OR52N2: variants seen among roughly 807,000 people sequenced by gnomAD.
OR52N2 encodes the protein olfactory receptor 52N2.
For missense variants in OR52N2, 326 were observed against 196.6 expected, an observed-to-expected ratio of 1.66 and a Z score of -3.94; for synonymous variants, 129 against 72.0, an observed-to-expected ratio of 1.79 and a Z score of -4.01.
At chr11:5,811,362 T>C (rs1468365660) in intron 1 of OR52N2, among the ~76,000 whole-genome samples, 1 of 152,024 alleles carries the variant, frequency 6.6e-6, no homozygotes, top group Non-Finnish European at 1.5e-5. Flanking sequence ...ATTTAAAAAA[T>C]AGACAGCTAC....
intron 1 of OR52N2, among the ~76,000 whole-genome samples, chr11:5,809,885 C>T (rs7122862): frequency 0.05 from 7,626 of 152,176 alleles, 255 homozygotes; most frequent in East Asian, 0.088. Flanking sequence ...GAGGCTATCA[C>T]AATCTGAATT....
At chr11:5,817,846 T>C (rs1054304577) in intron 1 of OR52N2, among the ~76,000 whole-genome samples, 5 of 152,154 alleles carry the variant, frequency 3.3e-5, no homozygotes, top group Admixed American at 2.0e-4. Flanking sequence ...TTATATTTGA[T>C]AGAAAAATTT....
chr11:5,815,243 T>G (rs1846395193), intron 1 of OR52N2, among the ~76,000 whole-genome samples: 1 of 152,040 alleles, frequency 6.6e-6, no homozygotes, highest in Non-Finnish European at 1.5e-5. Context: ...TTTATGAAAT[T>G]TGTTTTTAAA....
At chr11:5,817,935 A>G (rs1362897721) in intron 1 of OR52N2, among the ~76,000 whole-genome samples, 18 of 152,194 alleles carry the variant, frequency 1.2e-4, no homozygotes, top group Admixed American at 1.2e-3. Flanking sequence ...TCTAGCTATT[A>G]AACTTTTTAA....
At chr11:5,812,886 A>G (rs1564972069) in intron 1 of OR52N2, among the ~76,000 whole-genome samples, 1 of 152,166 alleles carries the variant, frequency 6.6e-6, no homozygotes, top group East Asian at 1.9e-4. Flanking sequence ...TTTCTATCAC[A>G]ATTATATAAA....
chr11:5,820,127 A>G (rs968729874), intron 1 of OR52N2, among the ~76,000 whole-genome samples, 155 bp from the exon 2 acceptor site: 1 of 152,092 alleles, frequency 6.6e-6, no homozygotes, highest in South Asian at 2.1e-4. Context: ...CTGCTTAGTG[A>G]CTTTGGACAC....
In OR52N2 at chr11:5,820,524, C is replaced by A. The variant is rs764838307; in HGVS notation, c.189C>A (p.Tyr63Ter). The A allele has an allele frequency of 1.3e-6, 1 of 778,672 alleles. No individual in the cohort carries two copies. Among genetic ancestry groups the A allele is most frequent in the Non-Finnish European group, 2.4e-6 (1 of 416,786 alleles). The allele number at this position is 778,672 out of a possible 1,614,324, so 48.2% of individuals were successfully genotyped here. A position where few individuals can be genotyped will look rare whatever the true frequency, so the allele number is the denominator to read the frequency against. The change falls in exon 2 of 2, where the codon TAC (tyrosine) becomes TAA (stop). Residue 63 changes from tyrosine (Y) to a stop codon, truncating the protein, a stop_gained. Coordinates refer to ENST00000317037, the MANE Select transcript of OR52N2 (RefSeq NM_001005174.3). LOFTEE classifies it low-confidence loss of function (END_TRUNC). ...HEEALHRPMY[Y>*]FLALLSFTDV... ...AGGCCCTGCACCGGCCCATGTACTA[C>A]TTCCTGGCCCTGCTCTCCTTCACTG...
intron 1 of OR52N2, among the ~76,000 whole-genome samples, chr11:5,818,354 A>G (rs1203093268): frequency 6.6e-6 from 1 of 152,174 alleles, no homozygotes; most frequent in Non-Finnish European, 1.5e-5. Context: ...GCAGGCCCAA[A>G]GTTCACTCTC....
chr11:5,810,707 G>A (rs185892983), intron 1 of OR52N2, among the ~76,000 whole-genome samples: 2 of 152,260 alleles, frequency 1.3e-5, no homozygotes, highest in East Asian at 3.9e-4. Context: ...CACACATGAA[G>A]GGACTGAAAA....
chr11:5,820,677 T>G lies in OR52N2; in HGVS notation c.342T>G (p.Ser114=), dbSNP rs756137915. ...FFVHMLTGME[S]GVLMLMALDR... ...TCCATATGCTGACAGGGATGGAGTC[T>G]GGGGTGCTCATGCTCATGGCCCTGG... Residue 114 remains serine (S), a synonymous_variant, in exon 2 of 2, where the codon TCT becomes TCG. Transcript: ENST00000317037. The G allele has an allele frequency of 3.8e-6, 3 of 792,958 alleles. No homozygotes were observed. The Admixed American group carries it at 5.1e-5, about 13-fold the overall frequency. The allele number at this position is 792,958 out of a possible 1,614,324, so 49.1% of individuals were successfully genotyped here.
At chr11:5,818,257 G>T (rs1846419563) in intron 1 of OR52N2, among the ~76,000 whole-genome samples, 2 of 151,992 alleles carry the variant, frequency 1.3e-5, no homozygotes, top group Non-Finnish European at 2.9e-5. Flanking sequence ...TGTTTTTCAT[G>T]ACCAGACTTG....
intron 1 of OR52N2, among the ~76,000 whole-genome samples, chr11:5,817,756 C>A (rs753636387): frequency 1.3e-5 from 2 of 152,040 alleles, no homozygotes; most frequent in Non-Finnish European, 2.9e-5. Flanking sequence ...AGCCCATAAA[C>A]TTCAATAACA....
Position 5,821,165 on chromosome 11 carries a change from T to A in OR52N2, c.830T>A (p.Ile277Asn), listed in dbSNP as rs1014684099. The change falls in exon 2 of 2, where the codon ATC becomes AAC. Residue 277 changes from isoleucine to asparagine, a missense_variant. Coordinates refer to ENST00000317037, the MANE Select transcript of OR52N2 (RefSeq NM_001005174.3). ...CACAATATCCCAAACCACATACACA[T>A]CATCGTGGCCAACCTTTATCTGCTA... is the stretch of plus-strand genomic sequence containing the variant. Reference protein sequence around the residue: ...VGHNIPNHIHIIVANLYLLLP... With the variant: ...VGHNIPNHIHNIVANLYLLLP... The A allele has an allele frequency of 1.3e-6, 1 of 781,006 alleles. No homozygotes were observed. The allele number at this position is 781,006 out of a possible 1,614,324, so 48.4% of individuals were successfully genotyped here.
At position 5,820,920 on chromosome 11, in the gene OR52N2, G is replaced by A. The variant is rs755375279; in HGVS notation, c.585G>A (p.Lys195=). The A allele has an allele frequency of 3.8e-6, 3 of 780,876 alleles. No individual in the cohort carries two copies. The highest frequency in any genetic ancestry group is 3.4e-5 in the African/African-American group (2 of 59,104). The allele number at this position is 780,876 out of a possible 1,614,324, so 48.4% of individuals were successfully genotyped here. The change falls in exon 2 of 2, where the codon AAG becomes AAA. Residue 195 remains lysine, a synonymous_variant. Transcript: ENST00000317037. The part of the protein sequence containing the change: ...SVAKVSCGNF[K]VNAIYGLMVA... ...CCAAGGTATCCTGTGGCAATTTCAA[G>A]GTCAATGCTATTTATGGTCTGATGG...
intron 1 of OR52N2, among the ~76,000 whole-genome samples, chr11:5,813,238 A>T (rs148449345): frequency 1.7e-5 from 2 of 120,990 alleles, no homozygotes; most frequent in East Asian, 3.4e-4. Context: ...TAGAAATTAT[A>T]AAAAAAAAGT....
At chr11:5,819,838 C>T (rs1993225) in intron 1 of OR52N2, among the ~76,000 whole-genome samples, 122,015 of 152,120 alleles carry the variant, frequency 0.8, 49,304 homozygotes, top group Non-Finnish European at 0.86. Context: ...TTGTTAAAAA[C>T]GGAAAGTTAA....
At chr11:5,812,494 CAAAAAAAAAAA>C (rs57515736) in intron 1 of OR52N2, among the ~76,000 whole-genome samples, 1 of 104,102 alleles carries the variant, frequency 9.6e-6, no homozygotes, top group Non-Finnish European at 1.8e-5. Context: ...GACTCCATCT[CAAAAAAAAAAA>C]AAAAAAAGAA....
At chr11:5,812,232 C>T (rs2134240394) in intron 1 of OR52N2, among the ~76,000 whole-genome samples, 1 of 152,066 alleles carries the variant, frequency 6.6e-6, no homozygotes, top group Non-Finnish European at 1.5e-5. Flanking sequence ...AGGTGGCTCA[C>T]ACCTGTAATC....
At chr11:5,812,260 C>A (rs12791839) in intron 1 of OR52N2, among the ~76,000 whole-genome samples, 16,278 of 151,246 alleles carry the variant, frequency 0.11, 1,157 homozygotes, top group East Asian at 0.25. Flanking sequence ...TTTGGGAGGC[C>A]GAGGCAGGCG....
Sources: allele counts gnomAD v4.1 joint callset (sites outside exome capture counted in the v4.1 genomes callset), GRCh38; gene constraint gnomAD v4.1.1; transcripts MANE v1.5; gene names NCBI Gene and HGNC (gene_info 2026-07-23, HGNC 2026-07-21).